Variants in BACH2 observed in about 807,000 individuals in gnomAD.
The protein encoded by BACH2 is transcription regulator protein BACH2.
A neutral mutation model predicts 61.8 loss-of-function variants in BACH2; 5 were observed. The ratio of observed to expected loss-of-function variants is 0.08; its 90% CI spans 0.04 to 0.17. The LOEUF (loss-of-function observed/expected upper bound fraction) is 0.17. Among genes scored for constraint, BACH2 ranks in the 10% least tolerant of loss-of-function variants. BACH2 has a pLI of 1.00. For synonymous variants in BACH2, 446 were observed against 440.1 expected, an observed-to-expected ratio of 1.01 and a Z score of -0.17; for missense variants, 824 against 1,091.1, an observed-to-expected ratio of 0.76 and a Z score of 3.45.
chr6:89,950,602 C>A lies in BACH2; in HGVS notation c.1504G>T (p.Val502Leu), dbSNP rs1291288582. Residue 502 changes from valine (V) to leucine (L), a missense_variant, in exon 7 of 9, where the codon GTA (valine) becomes TTA (leucine). Physicochemically the swap from Val to Leu is conservative, Grantham distance 32 (BLOSUM62 1). Coordinates refer to ENST00000257749, the MANE Select transcript of BACH2 (RefSeq NM_021813.4). This position sits in a 1 kb window ranked among gnomAD's most constrained non-coding sequence, Gnocchi z 5.3. ...GAGCGAGGGCAGACTTTGATTGGTACCGGGCAGCTGGTGTTGGGCCGCATC... is the reference window on the plus strand; with the variant it reads ...GAGCGAGGGCAGACTTTGATTGGTAACGGGCAGCTGGTGTTGGGCCGCATC... ...GRMRPNTSCP[V>L]PIKVCPRSPP... The A allele has an allele frequency of 6.2e-7, 1 of 1,613,454 alleles. No individual in the cohort carries two copies. The highest frequency in any genetic ancestry group is 2.2e-5 in the East Asian group (1 of 44,870).
At chr6:89,972,389 G>T (rs1775416028) in intron 6 of BACH2, among the ~76,000 whole-genome samples, 1 of 152,194 alleles carries the variant, frequency 6.6e-6, no homozygotes, top group African/African-American at 2.4e-5. Flanking sequence ...TTAGGAGGAA[G>T]AGTTGGCGAA....
At chr6:90,253,724 T>C (rs1257590799) in intron 2 of BACH2, among the ~76,000 whole-genome samples, 1 of 152,182 alleles carries the variant, frequency 6.6e-6, no homozygotes, top group Non-Finnish European at 1.5e-5. Context: ...TTAATATACC[T>C]CGTGGAAGAA....
intron 4 of BACH2, among the ~76,000 whole-genome samples, chr6:90,180,976 A>G (rs1768142143): frequency 6.6e-6 from 1 of 152,140 alleles, no homozygotes. Flanking sequence ...TGCTGCAATA[A>G]ACATACACCT....
chr6:90,135,069 C>T (rs188811733), intron 4 of BACH2, among the ~76,000 whole-genome samples: 196 of 152,264 alleles, frequency 1.3e-3, no homozygotes, highest in Middle Eastern at 6.8e-3. Context: ...GAGTGATGAC[C>T]GTGCAACAGT....
At chr6:90,049,128 C>T (rs1240641930) in intron 5 of BACH2, among the ~76,000 whole-genome samples, 1 of 152,138 alleles carries the variant, frequency 6.6e-6, no homozygotes, top group Non-Finnish European at 1.5e-5. Context: ...TCAATCTGAT[C>T]CAATCATTCC....
intron 2 of BACH2, among the ~76,000 whole-genome samples, chr6:90,260,654 CA>C (rs1771127814): frequency 6.6e-6 from 1 of 152,208 alleles, no homozygotes; most frequent in Non-Finnish European, 1.5e-5. Context: ...ATTTTTACAG[CA>C]GCTAGCATTA....
intron 3 of BACH2, among the ~76,000 whole-genome samples, chr6:90,210,307 A>G (rs1215120283): frequency 1.7e-5 from 2 of 119,290 alleles, no homozygotes; most frequent in Non-Finnish European, 3.4e-5. Flanking sequence ...CACACACCCC[A>G]AAACAACACA....
At chr6:90,243,335 T>A (rs769941547) in intron 3 of BACH2, among the ~76,000 whole-genome samples, 6 of 152,114 alleles carry the variant, frequency 3.9e-5, no homozygotes, top group Non-Finnish European at 5.9e-5. Context: ...AATAACTCCA[T>A]TTTACTTTTA....
intron 3 of BACH2, among the ~76,000 whole-genome samples, chr6:90,244,991 C>T (rs1258760182): frequency 1.3e-5 from 2 of 151,994 alleles, no homozygotes; most frequent in Non-Finnish European, 2.9e-5. Flanking sequence ...GTCAGGAGTT[C>T]GAGACCAGCT....
intron 4 of BACH2, among the ~76,000 whole-genome samples, chr6:90,108,054 G>A (rs1316351735): frequency 6.6e-6 from 1 of 152,182 alleles, no homozygotes; most frequent in African/African-American, 2.4e-5. Flanking sequence ...GTTAAATGAT[G>A]AAACAGATTT....
chr6:90,039,184 T>C (rs891149117), intron 5 of BACH2, among the ~76,000 whole-genome samples: 2 of 152,252 alleles, frequency 1.3e-5, no homozygotes, highest in African/African-American at 4.8e-5. Context: ...CAATTCTCTA[T>C]TGGCAGCTAT....
chr6:90,215,393 C>A (rs1464293752), intron 3 of BACH2, among the ~76,000 whole-genome samples: 1 of 152,158 alleles, frequency 6.6e-6, no homozygotes, highest in Non-Finnish European at 1.5e-5. Flanking sequence ...AGTATAGACA[C>A]CATAGCCCCT....
intron 4 of BACH2, among the ~76,000 whole-genome samples, chr6:90,132,484 G>C (rs1037250988): frequency 2.0e-5 from 3 of 152,140 alleles, no homozygotes; most frequent in African/African-American, 7.2e-5. Context: ...TGGTTCCTCT[G>C]TTGTCCTGGC....
chr6:89,977,120 T>A (rs1323192993), intron 6 of BACH2, among the ~76,000 whole-genome samples: 1 of 152,238 alleles, frequency 6.6e-6, no homozygotes, highest in East Asian at 1.9e-4. Flanking sequence ...TCTGCTAGGA[T>A]ATACAATGAA....
intron 4 of BACH2, among the ~76,000 whole-genome samples, chr6:90,188,594 T>A (rs772239127): frequency 6.6e-6 from 1 of 152,070 alleles, no homozygotes; most frequent in Non-Finnish European, 1.5e-5. Context: ...GTGTACTCAT[T>A]CATGACCAAA....
chr6:89,928,669 A>G lies in BACH2; in HGVS notation c.*3739T>C, dbSNP rs973729899. 2.0e-5 allele frequency: 3 copies of G among 152,692 alleles called. No individual in the cohort carries two copies. Among genetic ancestry groups the G allele is most frequent in the African/African-American group, 7.2e-5 (3 of 41,402 alleles). The allele number at this position is 152,692 out of a possible 1,614,324, so 9.5% of individuals were successfully genotyped here. ...TTTTGTTCCCTTCCTTGGAAAAGCAATGTAAGGATTACATCCCGAATTATA... is the reference window on the plus strand; with the variant it reads ...TTTTGTTCCCTTCCTTGGAAAAGCAGTGTAAGGATTACATCCCGAATTATA... On this transcript the variant is annotated 3_prime_UTR_variant, in exon 9 of 9. Coordinates refer to ENST00000257749, the MANE Select transcript of BACH2 (RefSeq NM_021813.4).
intron 4 of BACH2, among the ~76,000 whole-genome samples, chr6:90,178,228 A>C (rs927384331): frequency 1.3e-5 from 2 of 152,184 alleles, no homozygotes; most frequent in Non-Finnish European, 2.9e-5. Flanking sequence ...TGTCAGCTCT[A>C]ACACTGAATT....
At chr6:90,260,046 AT>A (rs1326367414) in intron 2 of BACH2, among the ~76,000 whole-genome samples, 2 of 150,098 alleles carry the variant, frequency 1.3e-5, no homozygotes, top group African/African-American at 4.9e-5. Context: ...TCTATTATCC[AT>A]TTAGTTTATG....
At chr6:90,058,509 GGGTA>G (rs1308809387) in intron 5 of BACH2, among the ~76,000 whole-genome samples, 14 of 152,142 alleles carry the variant, frequency 9.2e-5, no homozygotes, top group African/African-American at 3.1e-4. Context: ...CCATGCTCAT[GGGTA>G]GGAAGAATCA....
Sources: gnomAD v4.1 joint callset for allele counts (sites outside exome capture counted in the v4.1 genomes callset) on GRCh38, gnomAD v4.1.1 for gene constraint, Gnocchi (gnomAD v3.1) non-coding constraint, MANE v1.5 for transcripts, NCBI Gene and HGNC (gene_info 2026-07-23, HGNC 2026-07-21) for gene names.